Variants in ZNF385D observed in about 807,000 individuals in gnomAD.
ZNF385D encodes the protein zinc finger protein 659.
In ZNF385D, 15 loss-of-function variants were observed where a neutral mutation model predicts 35.8. The ratio of observed to expected loss-of-function variants is 0.42; its 90% CI spans 0.28 to 0.64. The LOEUF (loss-of-function observed/expected upper bound fraction) is 0.64, where lower values mean the gene tolerates loss of function less well. Among genes scored for constraint, ZNF385D ranks in the 30% least tolerant of loss-of-function variants. The pLI is 0.23. For missense variants in ZNF385D, 474 were observed against 494.6 expected, an observed-to-expected ratio of 0.96 and a Z score of 0.39; for synonymous variants, 212 against 186.8, an observed-to-expected ratio of 1.13 and a Z score of -1.10.
intron 3 of ZNF385D, among the ~76,000 whole-genome samples, chr3:21,895,623 G>A (rs1335938468): frequency 6.6e-6 from 1 of 151,292 alleles, no homozygotes; most frequent in Non-Finnish European, 1.5e-5. Context: ...TTACAGGTAT[G>A]AGCCACCATG....
intron 4 of ZNF385D, among the ~76,000 whole-genome samples, chr3:21,453,698 TAAAAC>T (rs1575172306): frequency 6.6e-6 from 1 of 152,018 alleles, no homozygotes; most frequent in African/African-American, 2.4e-5. Flanking sequence ...AAATTAAAAA[TAAAAC>T]AACATAACTA....
At chr3:22,098,374 T>G (rs774719888) in intron 3 of ZNF385D, among the ~76,000 whole-genome samples, 1 of 152,038 alleles carries the variant, frequency 6.6e-6, no homozygotes, top group Non-Finnish European at 1.5e-5. Flanking sequence ...ATGAACACAA[T>G]TTTTTTCAAA....
chr3:22,088,450 A>C (rs1329885770), intron 3 of ZNF385D, among the ~76,000 whole-genome samples: 1 of 152,162 alleles, frequency 6.6e-6, no homozygotes, highest in East Asian at 1.9e-4. Flanking sequence ...GTCTGGCACC[A>C]TTCAACGTGG....
Position 21,826,413 on chromosome 3 carries a change from A to G in ZNF385D, c.326-161385T>C, listed in dbSNP as rs1195285945. 5.3e-5 allele frequency among the ~76,000 whole-genome samples: 8 copies of G among 152,302 alleles called. No homozygotes were observed. The East Asian group carries it at 1.5e-3, about 29-fold the overall frequency. On this transcript the variant is annotated intron_variant, in intron 3 of 5. Transcript: ENST00000494108. ...TGAACAGCCCTTATTTCACTGGTCCAATTCCCCTAGGTGACACTAGTTGGA... is the reference window on the plus strand; with the variant it reads ...TGAACAGCCCTTATTTCACTGGTCCGATTCCCCTAGGTGACACTAGTTGGA...
At chr3:22,299,507 T>G (rs867502896) in intron 2 of ZNF385D, among the ~76,000 whole-genome samples, 16 of 151,744 alleles carry the variant, frequency 1.1e-4, no homozygotes, top group African/African-American at 3.6e-4. Flanking sequence ...AAAATACCAA[T>G]GAACATCCAA....
intron 2 of ZNF385D, among the ~76,000 whole-genome samples, chr3:22,303,840 C>A (rs1703055504): frequency 6.6e-6 from 1 of 151,954 alleles, no homozygotes; most frequent in Non-Finnish European, 1.5e-5. Context: ...TGCAATGGCG[C>A]AATCTTGGCT....
intron 3 of ZNF385D, among the ~76,000 whole-genome samples, chr3:21,833,497 A>G (rs1426367610): frequency 6.6e-6 from 1 of 152,164 alleles, no homozygotes; most frequent in Non-Finnish European, 1.5e-5. Flanking sequence ...ATCAGAATCT[A>G]GAAGAGGCCA....
At chr3:22,175,047 GA>G (rs199728909) in intron 2 of ZNF385D, among the ~76,000 whole-genome samples, 6 of 151,328 alleles carry the variant, frequency 4.0e-5, no homozygotes, top group Non-Finnish European at 8.9e-5. Context: ...CTTTATTATG[GA>G]AAAAAAGTAC....
chr3:21,455,897 A>AAGAC (rs1702777170), intron 4 of ZNF385D, among the ~76,000 whole-genome samples: 1 of 151,506 alleles, frequency 6.6e-6, no homozygotes. Flanking sequence ...TTACAAGAAA[A>AAGAC]AAACAACCCC....
intron 3 of ZNF385D, among the ~76,000 whole-genome samples, chr3:21,846,852 T>C (rs1696036517): frequency 6.6e-6 from 1 of 152,014 alleles, no homozygotes; most frequent in Admixed American, 6.6e-5. Context: ...ACTTGGAACC[T>C]TGCTGACCAA....
intron 4 of ZNF385D, among the ~76,000 whole-genome samples, chr3:21,455,225 GA>G (rs1190106071): frequency 6.6e-6 from 1 of 152,090 alleles, no homozygotes; most frequent in Admixed American, 6.6e-5. Flanking sequence ...CATAGAATTG[GA>G]AAAAACTATT....
At chr3:22,091,752 A>G (rs375149837) in intron 3 of ZNF385D, among the ~76,000 whole-genome samples, 7 of 152,216 alleles carry the variant, frequency 4.6e-5, no homozygotes, top group African/African-American at 1.7e-4. Flanking sequence ...TTTCAAGACT[A>G]AGAAGTCTAT....
intron 2 of ZNF385D, among the ~76,000 whole-genome samples, chr3:21,643,211 G>C (rs1240634195): frequency 6.6e-6 from 1 of 152,116 alleles, no homozygotes; most frequent in African/African-American, 2.4e-5. Flanking sequence ...AAGACAGATT[G>C]AGAGAAATGC....
intron 3 of ZNF385D, among the ~76,000 whole-genome samples, chr3:21,980,444 T>G (rs1694366640): frequency 6.6e-6 from 1 of 152,138 alleles, no homozygotes. Context: ...AGATAATGAG[T>G]AATAGTAGCA....
intron 2 of ZNF385D, among the ~76,000 whole-genome samples, chr3:21,633,337 T>C (rs1451919865): frequency 6.6e-6 from 1 of 151,970 alleles, no homozygotes; most frequent in Non-Finnish European, 1.5e-5. Flanking sequence ...AAACTTTAAA[T>C]TGGAGTATGT....
intron 2 of ZNF385D, among the ~76,000 whole-genome samples, chr3:21,644,712 A>C (rs1408654895): frequency 6.6e-6 from 1 of 152,182 alleles, no homozygotes; most frequent in Non-Finnish European, 1.5e-5. Context: ...TCAAAATAAT[A>C]GACATTAAGT....
intron 3 of ZNF385D, among the ~76,000 whole-genome samples, chr3:22,031,490 T>C (rs1697998891): frequency 6.6e-6 from 1 of 152,214 alleles, no homozygotes; most frequent in South Asian, 2.1e-4. Context: ...TTTGAAGCCA[T>C]GGCCTGAGCT....
intron 3 of ZNF385D, among the ~76,000 whole-genome samples, chr3:21,803,209 G>A (rs542481687): frequency 4.6e-5 from 7 of 152,146 alleles, no homozygotes; most frequent in Non-Finnish European, 5.9e-5. Flanking sequence ...ATCACAGAGA[G>A]TGGCAGGTAT....
At chr3:22,114,558 G>A (rs773442626) in intron 3 of ZNF385D, among the ~76,000 whole-genome samples, 4 of 152,076 alleles carry the variant, frequency 2.6e-5, no homozygotes, top group Admixed American at 6.6e-5. Flanking sequence ...ATGAAAAGAA[G>A]CCAGTGGAAG....
Sources: gnomAD v4.1 joint callset for allele counts (sites outside exome capture counted in the v4.1 genomes callset) on GRCh38, gnomAD v4.1.1 for gene constraint, MANE v1.5 for transcripts, NCBI Gene and HGNC (gene_info 2026-07-23, HGNC 2026-07-21) for gene names.